The following MBP variants were observed in gnomAD, a reference collection of about 807,000 sequenced individuals.
MBP encodes the protein myelin basic protein.
In MBP, 16 loss-of-function variants were observed where a neutral mutation model predicts 35.8. The observed-to-expected ratio is 0.45, with a 90% CI of 0.30 to 0.68. The LOEUF (loss-of-function observed/expected upper bound fraction) is 0.68, where lower values mean the gene tolerates loss of function less well. Among genes scored for constraint, MBP ranks in the 30% least tolerant of loss-of-function variants. The pLI is 0.08. For synonymous variants in MBP, 143 were observed against 159.6 expected (o/e 0.90, Z 0.78); for missense variants, 380 against 404.7 (o/e 0.94, Z 0.52).
At chr18:77,013,195 T>C (rs946061816) in intron 4 of MBP, 1 of 985,474 alleles carries the variant, frequency 1.0e-6, no homozygotes, top group Non-Finnish European at 1.2e-6. Flanking sequence ...GGATTTTCTC[T>C]AGAAGAATCT....
chr18:77,092,797 C>T (rs80155070), intron 2 of MBP, among the ~76,000 whole-genome samples: 12,118 of 152,162 alleles, frequency 0.08, 665 homozygotes, highest in Middle Eastern at 0.14. Flanking sequence ...CCTCATTTCA[C>T]GAAATCGGCC....
intron 4 of MBP, among the ~76,000 whole-genome samples, chr18:76,993,550 C>CAAAAAAAAAA (rs60296914): frequency 8.9e-6 from 1 of 112,836 alleles, no homozygotes; most frequent in Non-Finnish European, 1.9e-5. Context: ...ACTTTGTCTC[C>CAAAAAAAAAA]AAAAAAAAAA....
At chr18:77,018,852 C>T (rs1971835515) in intron 3 of MBP, among the ~76,000 whole-genome samples, 2 of 147,564 alleles carry the variant, frequency 1.4e-5, no homozygotes, top group South Asian at 2.2e-4. Flanking sequence ...ATCCATCCAT[C>T]CACTCATCCA....
At chr18:77,029,762 T>A (rs1000121885) in intron 3 of MBP, among the ~76,000 whole-genome samples, 4 of 150,068 alleles carry the variant, frequency 2.7e-5, no homozygotes, top group Admixed American at 6.7e-5. Flanking sequence ...GTGTTCTATG[T>A]TCCCATAAAA....
At chr18:77,030,120 C>T (rs184889953) in intron 3 of MBP, among the ~76,000 whole-genome samples, 2 of 152,210 alleles carry the variant, frequency 1.3e-5, no homozygotes, top group African/African-American at 4.8e-5. Flanking sequence ...TCCCCAGAGG[C>T]TCAGGCAATG....
intron 3 of MBP, among the ~76,000 whole-genome samples, chr18:77,046,776 C>T (rs558026705): frequency 1.1e-4 from 16 of 152,192 alleles, no homozygotes; most frequent in African/African-American, 1.4e-4. Flanking sequence ...TCCAGATCAG[C>T]GGGAGAGGGC....
Position 77,020,509 on chromosome 18 carries a change from G to A in MBP, c.140-3241C>T, listed in dbSNP as rs952964122. Among the ~76,000 whole-genome samples, 1 of 152,186 alleles carries A rather than the reference G, an allele frequency of 6.6e-6. No homozygotes were observed. The highest frequency in any genetic ancestry group is 1.5e-5 in the Non-Finnish European group (1 of 68,022). On this transcript the variant is annotated intron_variant, in intron 3 of 8. Transcript: ENST00000355994. The surrounding 1 kb of genome is among the most constrained non-coding windows in gnomAD (Gnocchi z 4.1). ...TGTCACTGCTATGACTCATTGCAATGAGAGGTGCATGGCGAAGTCCAGGAA... is the reference window on the plus strand; with the variant it reads ...TGTCACTGCTATGACTCATTGCAATAAGAGGTGCATGGCGAAGTCCAGGAA...
rs990675152 is a variant in MBP at position 76,986,089 on chromosome 18, T to TG, written c.751-1196dup. On this transcript the variant is annotated intron_variant, in intron 7 of 8. Coordinates refer to ENST00000355994, the MANE Select transcript of MBP (RefSeq NM_001025101.2). The stretch of plus-strand genomic sequence containing the variant: ...GTCTGGGCGCGGTGGACGTTAACAA[T>TG]GGGGGGCGAAGTGTCCTCCCACGGT... 5.6e-5 allele frequency: 55 copies of TG among 985,340 alleles called. No individual in the cohort carries two copies. In the African/African-American group the frequency reaches 5.6e-4, roughly 10 times the overall value. 61.0% of individuals were successfully genotyped at this position (985,340 alleles called of 1,614,324 possible).
At chr18:77,064,141 T>C (rs1974096562) in intron 3 of MBP, among the ~76,000 whole-genome samples, 1 of 152,246 alleles carries the variant, frequency 6.6e-6, no homozygotes, top group South Asian at 2.1e-4. Context: ...AGCTGAAATG[T>C]ATGAGTAAAG....
At chr18:76,985,234 T>G (rs780244058) in intron 7 of MBP, 3 of 1,377,120 alleles carry the variant, frequency 2.2e-6, no homozygotes, top group South Asian at 1.2e-5. Flanking sequence ...AAGAGAAGAT[T>G]AGCAAACATC....
intron 4 of MBP, chr18:77,012,700 A>G (rs1473688775): frequency 2.4e-6 from 2 of 832,192 alleles, no homozygotes; most frequent in South Asian, 5.4e-5. Flanking sequence ...CCAGGCCACA[A>G]AAATGCCGGC....
chr18:77,089,303 C>T (rs530898047), intron 2 of MBP, among the ~76,000 whole-genome samples: 7 of 152,232 alleles, frequency 4.6e-5, no homozygotes, highest in South Asian at 2.1e-4. Context: ...GTCAAGTGTG[C>T]GGCCATTTCC....
Position 76,989,240 on chromosome 18 carries a change from G to T in MBP, c.682-328C>A, listed in dbSNP as rs1969754336. ...TGCTTCACCGTGAGCCCTTTCCGGG[G>T]CTAGGAGTAGCGGGCCCTCTGACAT... On this transcript the variant is annotated intron_variant, in intron 5 of 8. Coordinates refer to ENST00000355994, the MANE Select transcript of MBP (RefSeq NM_001025101.2). The surrounding 1 kb of genome is among the most constrained non-coding windows in gnomAD (Gnocchi z 4.0). Among the ~76,000 whole-genome samples, 1 of 152,194 alleles carries T rather than the reference G, an allele frequency of 6.6e-6. No homozygotes were observed. Among genetic ancestry groups the T allele is most frequent in the Non-Finnish European group, 1.5e-5 (1 of 68,038 alleles).
chr18:76,995,799 C>A (rs1372705669), intron 4 of MBP, among the ~76,000 whole-genome samples: 1 of 152,060 alleles, frequency 6.6e-6, no homozygotes, highest in African/African-American at 2.4e-5. Context: ...AGACCTGACA[C>A]CAAAACATCA....
chr18:77,060,448 C>CTTTTTTT (rs74182682), intron 3 of MBP, among the ~76,000 whole-genome samples: 3 of 97,590 alleles, frequency 3.1e-5, no homozygotes, highest in African/African-American at 1.2e-4. Flanking sequence ...TCTCTCTCTC[C>CTTTTTTT]TTTTTTTTTT....
At chr18:77,052,719 AT>A (rs1414867161) in intron 3 of MBP, among the ~76,000 whole-genome samples, 1 of 152,096 alleles carries the variant, frequency 6.6e-6, no homozygotes, top group African/African-American at 2.4e-5. Context: ...ACCTGGAATA[AT>A]CCCCCACGGG....
At chr18:77,075,340 C>T (rs1284243514) in intron 2 of MBP, among the ~76,000 whole-genome samples, 1 of 152,202 alleles carries the variant, frequency 6.6e-6, no homozygotes, top group African/African-American at 2.4e-5. Context: ...TAAGAGAAAA[C>T]ACTCTTACTC....
At chr18:77,069,213 A>G (rs931708121) in intron 2 of MBP, among the ~76,000 whole-genome samples, 1 of 152,134 alleles carries the variant, frequency 6.6e-6, no homozygotes, top group African/African-American at 2.4e-5. Context: ...GTTAAAATGG[A>G]TTGTTTCTGT....
At position 77,105,200 on chromosome 18, in the gene MBP, T is replaced by TCA; in HGVS notation, c.51+9_51+10dup. 1 of 1,612,754 alleles carries TCA rather than the reference T, an allele frequency of 6.2e-7. No individual in the cohort carries two copies. Among genetic ancestry groups the TCA allele is most frequent in the Non-Finnish European group, 8.5e-7 (1 of 1,179,040 alleles). ...CAACATGCACATGTTTCGGATCAGC[T>TCA]CACGTCTTACCGTACTGGCCTTCTC... On this transcript the variant is annotated intron_variant, in intron 2 of 8. Transcript: ENST00000355994.
Sources: gnomAD v4.1 joint callset for allele counts (sites outside exome capture counted in the v4.1 genomes callset) on GRCh38, gnomAD v4.1.1 for gene constraint, Gnocchi (gnomAD v3.1) non-coding constraint, MANE v1.5 for transcripts, NCBI Gene and HGNC (gene_info 2026-07-23, HGNC 2026-07-21) for gene names.